UNC13C: variants seen among roughly 807,000 people sequenced by gnomAD.
UNC13C encodes the protein unc-13 homolog C.
In UNC13C, 174 loss-of-function variants were observed where a neutral mutation model predicts 245.4. The ratio of observed to expected loss-of-function variants is 0.71; its 90% CI spans 0.63 to 0.80. The LOEUF (loss-of-function observed/expected upper bound fraction) is 0.80. Ranked by LOEUF, UNC13C falls within the 30% of genes least tolerant of loss-of-function variation. The pLI is 0.00. For missense variants in UNC13C, 2,829 were observed against 2,602.9 expected (o/e 1.09, Z -1.89); for synonymous variants, 992 against 895.1 (o/e 1.11, Z -1.93).
chr15:53,976,471 C>CTTTTTTTTTTTTTTTT (rs1491026119), upstream of UNC13C, among the ~76,000 whole-genome samples: 1 of 31,414 alleles, frequency 3.2e-5, no homozygotes, highest in African/African-American at 6.2e-5. Flanking sequence ...CTCTCTCTCT[C>CTTTTTTTTTTTTTTTT]TCTCTCTTTT....
chr15:54,387,615 A>G (rs544160310), intron 17 of UNC13C, among the ~76,000 whole-genome samples: 75 of 152,136 alleles, frequency 4.9e-4, no homozygotes, highest in African/African-American at 1.7e-3. Context: ...GAGAGGGCCC[A>G]TTTTTCTAAC....
intron 30 of UNC13C, among the ~76,000 whole-genome samples, chr15:54,617,384 G>A (rs143795177): frequency 1.3e-5 from 2 of 151,992 alleles, no homozygotes; most frequent in African/African-American, 2.4e-5. Context: ...AGGGATATGG[G>A]GAGAAGCTGT....
At position 54,181,274 on chromosome 15, in the gene UNC13C, A is replaced by G. The variant is rs1595959734; in HGVS notation, c.3071+37590A>G. 4.0e-5 allele frequency among the ~76,000 whole-genome samples: 6 copies of G among 151,870 alleles called. No individual in the cohort carries two copies. In the South Asian group the frequency reaches 1.0e-3, roughly 26 times the overall value. ...ATAGGGAGTCCTTCATCCATTGCTTATTTTTGTAGACTTTGTTGAAGATCA... is the reference window on the plus strand; with the variant it reads ...ATAGGGAGTCCTTCATCCATTGCTTGTTTTTGTAGACTTTGTTGAAGATCA... On this transcript the variant is annotated intron_variant, in intron 4 of 32. Transcript: ENST00000260323.
chr15:53,897,378 T>C, the UNC13C span, among the ~76,000 whole-genome samples: 1 of 152,218 alleles, frequency 6.6e-6, no homozygotes, highest in East Asian at 1.9e-4. Flanking sequence ...TTATACTACT[T>C]GATGCTTTGG....
chr15:53,955,302 T>C, the UNC13C span, among the ~76,000 whole-genome samples: 4 of 131,102 alleles, frequency 3.1e-5, no homozygotes, highest in African/African-American at 9.0e-5. Context: ...CACACACACA[T>C]AAAACTAGGA....
At chr15:53,901,568 C>T in the UNC13C span, among the ~76,000 whole-genome samples, 1 of 151,962 alleles carries the variant, frequency 6.6e-6, no homozygotes, top group African/African-American at 2.4e-5. Context: ...TTATTTAGTC[C>T]CTCCTCTATC....
the UNC13C span, among the ~76,000 whole-genome samples, chr15:53,885,468 C>A: frequency 6.6e-6 from 1 of 152,160 alleles, no homozygotes; most frequent in Non-Finnish European, 1.5e-5. Context: ...AACAGACAGG[C>A]CTTACTGCAT....
At chr15:54,200,922 G>C (rs184459939) in intron 4 of UNC13C, among the ~76,000 whole-genome samples, 13 of 152,002 alleles carry the variant, frequency 8.6e-5, no homozygotes, top group Non-Finnish European at 1.6e-4. Flanking sequence ...TTAACTGTTA[G>C]TGAGATTAAC....
At chr15:54,078,610 GC>G (rs1259809536) in intron 2 of UNC13C, among the ~76,000 whole-genome samples, 2 of 152,012 alleles carry the variant, frequency 1.3e-5, no homozygotes, top group Non-Finnish European at 2.9e-5. Flanking sequence ...ATGTTTGTTG[GC>G]TGCTTGTATG....
intron 7 of UNC13C, among the ~76,000 whole-genome samples, chr15:54,246,115 T>C (rs900328359): frequency 6.6e-6 from 1 of 152,204 alleles, no homozygotes; most frequent in African/African-American, 2.4e-5. Context: ...TTTTAGTTTC[T>C]TCAGGTAGTA....
Position 54,024,416 on chromosome 15 carries a change from C to G in UNC13C, c.2983+8530C>G, listed in dbSNP as rs538543931. Among the ~76,000 whole-genome samples the G allele has an allele frequency of 2.6e-5, 4 of 152,206 alleles. No individual in the cohort carries two copies. In the East Asian group the frequency reaches 7.7e-4, roughly 29 times the overall value. ...TGAAACAGGTAAAAGCTTTATTGTT[C>G]AGAAGGTATCCAAGGACTGAGCCCA... On this transcript the variant is annotated intron_variant, in intron 2 of 32. Transcript: ENST00000260323.
At chr15:54,324,104 T>C (rs1402754671) in intron 14 of UNC13C, among the ~76,000 whole-genome samples, 1 of 152,022 alleles carries the variant, frequency 6.6e-6, no homozygotes, top group African/African-American at 2.4e-5. Flanking sequence ...AAGAGAAATG[T>C]TTCTTCAAAC....
At chr15:54,392,010 C>T (rs1161545354) in intron 17 of UNC13C, among the ~76,000 whole-genome samples, 1 of 151,952 alleles carries the variant, frequency 6.6e-6, no homozygotes, top group Non-Finnish European at 1.5e-5. Context: ...AATCTAATAC[C>T]CATTTTACAT....
At chr15:54,318,350 A>C (rs1376831898) in intron 13 of UNC13C, among the ~76,000 whole-genome samples, 2 of 151,916 alleles carry the variant, frequency 1.3e-5, no homozygotes, top group Non-Finnish European at 2.9e-5. Flanking sequence ...CCAACAGTAT[A>C]CAGGGTTCCC....
chr15:54,192,389 G>C (rs2034214648), intron 4 of UNC13C, among the ~76,000 whole-genome samples: 1 of 151,946 alleles, frequency 6.6e-6, no homozygotes, highest in South Asian at 2.1e-4. Context: ...GAGCATTGCA[G>C]GCAAGGATAG....
At chr15:54,157,303 A>G (rs1250640969) in intron 4 of UNC13C, among the ~76,000 whole-genome samples, 1 of 152,218 alleles carries the variant, frequency 6.6e-6, no homozygotes, top group African/African-American at 2.4e-5. Flanking sequence ...ATTGCTTAGT[A>G]GCTCTGTTAG....
chr15:54,254,120 A>G (rs997095298), intron 8 of UNC13C, among the ~76,000 whole-genome samples: 8 of 152,354 alleles, frequency 5.3e-5, no homozygotes, highest in Non-Finnish European at 1.2e-4. Context: ...CATTAATAAA[A>G]CCTGTTTAAC....
chr15:54,448,117 G>A (rs1230597049), intron 19 of UNC13C, among the ~76,000 whole-genome samples: 2 of 152,182 alleles, frequency 1.3e-5, no homozygotes, highest in African/African-American at 2.4e-5. Flanking sequence ...GTTCTAGTTT[G>A]ATTACACTAT....
intron 19 of UNC13C, among the ~76,000 whole-genome samples, chr15:54,442,340 A>G (rs1033888855): frequency 2.7e-5 from 4 of 147,488 alleles, no homozygotes; most frequent in Middle Eastern, 7.1e-3. Flanking sequence ...CTTCTGCCTC[A>G]GCCTCCTGAA....
Sources: gnomAD v4.1 joint callset for allele counts (sites outside exome capture counted in the v4.1 genomes callset) on GRCh38, gnomAD v4.1.1 for gene constraint, MANE v1.5 for transcripts, NCBI Gene and HGNC (gene_info 2026-07-23, HGNC 2026-07-21) for gene names.